EMC8: variants seen among roughly 807,000 people sequenced by gnomAD.
The protein encoded by EMC8 is ER membrane protein complex subunit 8, also known as COX4 neighbor.
EMC8 carries 11 observed loss-of-function variants against 24.3 expected under a neutral mutation model. The observed-to-expected ratio is 0.45, with a 90% CI of 0.28 to 0.75. The LOEUF (loss-of-function observed/expected upper bound fraction) is 0.75. Ranked by LOEUF, EMC8 falls within the 30% of genes least tolerant of loss-of-function variation. The probability of loss-of-function intolerance (pLI) is 0.12; values close to 1 mark genes in which losing one functional copy is unlikely to be tolerated. For synonymous variants in EMC8, 145 were observed against 117.7 expected (o/e 1.23, Z -1.50); for missense variants, 277 against 282.7 (o/e 0.98, Z 0.14).
intron 1 of EMC8, among the ~76,000 whole-genome samples, chr16:85,795,570 CT>C (rs917814136): frequency 1.4e-4 from 22 of 152,162 alleles, no homozygotes; most frequent in African/African-American, 4.6e-4. Flanking sequence ...AGGGTCCCCC[CT>C]AGACCTCGGG....
At chr16:85,790,684 TC>T (rs764385028) in intron 1 of EMC8, among the ~76,000 whole-genome samples, 19 of 152,120 alleles carry the variant, frequency 1.2e-4, no homozygotes, top group Admixed American at 2.0e-4. Flanking sequence ...GAGTGTGTCC[TC>T]CCCTAAGGTG....
rs1220464974 is a variant in EMC8, at chr16:85,780,101, C to T, written c.474-234G>A. On this transcript the variant is annotated intron_variant, in intron 4 of 4. Coordinates refer to ENST00000253457, the MANE Select transcript of EMC8 (RefSeq NM_006067.5). The stretch of plus-strand genomic sequence containing the variant: ...TTCTGAGAAAGTTGGAGGCAGATGA[C>T]TGAAGCTTTCTGAGTGGCCACAGAT... 17 of 600,464 alleles carry T rather than the reference C, an allele frequency of 2.8e-5. 1 individual carries two copies. Among genetic ancestry groups the T allele is most frequent in the Middle Eastern group, 4.4e-4 (1 of 2,262 alleles). 37.2% of individuals were successfully genotyped at this position (600,464 alleles called of 1,614,324 possible).
chr16:85,794,301 CCT>C (rs1253082383), intron 1 of EMC8, among the ~76,000 whole-genome samples: 5 of 152,226 alleles, frequency 3.3e-5, no homozygotes, highest in African/African-American at 9.6e-5. Context: ...CAAATTTTCC[CCT>C]GTAACTTTCC....
intron 2 of EMC8, among the ~76,000 whole-genome samples, chr16:85,785,441 G>A (rs996653087): frequency 2.6e-5 from 4 of 152,206 alleles, no homozygotes; most frequent in Non-Finnish European, 5.9e-5. Context: ...GTGGTGGCAG[G>A]TGCCTGTAAT....
intron 1 of EMC8, among the ~76,000 whole-genome samples, chr16:85,791,056 G>A (rs1904987288): frequency 6.6e-6 from 1 of 151,914 alleles, no homozygotes; most frequent in African/African-American, 2.4e-5. Context: ...TTGGACTCCT[G>A]GGTTCAAGCA....
rs558614468 is a variant in EMC8, at chr16:85,794,832, A to G, written c.231+4233T>C. ...GGTGGGGGGAGGTGCTGGAGGCTGG[A>G]TGTCTACAGTGCAGACTGTAACTAG... On this transcript the variant is annotated intron_variant, in intron 1 of 4. Coordinates refer to ENST00000253457, the MANE Select transcript of EMC8 (RefSeq NM_006067.5). 1.5e-3 allele frequency among the ~76,000 whole-genome samples: 226 copies of G among 152,288 alleles called. 1 individual carries two copies. The highest frequency in any genetic ancestry group is 5.0e-3 in the African/African-American group (208 of 41,548).
intron 2 of EMC8, among the ~76,000 whole-genome samples, chr16:85,782,465 C>T (rs552934702): frequency 1.3e-5 from 2 of 152,312 alleles, no homozygotes; most frequent in East Asian, 3.9e-4. Flanking sequence ...GCCTTCTCCT[C>T]GGGGGCCTTA....
intron 1 of EMC8, among the ~76,000 whole-genome samples, chr16:85,795,499 T>C (rs1260274040): frequency 2.6e-5 from 4 of 152,022 alleles, no homozygotes; most frequent in Non-Finnish European, 5.9e-5. Context: ...TCTCCTGCCC[T>C]CCTTCCACTC....
chr16:85,792,594 G>C (rs1025979054), intron 1 of EMC8: 1 of 152,422 alleles, frequency 6.6e-6, no homozygotes, highest in Non-Finnish European at 1.5e-5. Flanking sequence ...CTAGGCATCA[G>C]GTGAGAGTGC....
In EMC8 at chr16:85,799,106, T is replaced by A. The variant is rs1249221108; in HGVS notation, c.190A>T (p.Thr64Ser). Residue 64 changes from threonine to serine, a missense_variant, in exon 1 of 5, where the codon ACC becomes TCC. Coordinates refer to ENST00000253457, the MANE Select transcript of EMC8 (RefSeq NM_006067.5). The surrounding 1 kb of genome is among the most constrained non-coding windows in gnomAD (Gnocchi z 4.2). ...FVDCIPLFHG[T>S]LALAPMLEVA... ...TCCAGCATGGGGGCGAGGGCCAGGG[T>A]GCCGTGGAAGAGGGGGATGCAGTCC... is the stretch of plus-strand genomic sequence containing the variant. 1 of 1,577,530 alleles carries A rather than the reference T, an allele frequency of 6.3e-7. No individual in the cohort carries two copies. Among genetic ancestry groups the A allele is most frequent in the Middle Eastern group, 1.7e-4 (1 of 6,012 alleles).
At chr16:85,779,933 G>T in intron 4 of EMC8, 66 bp from the exon 5 acceptor site, 4 of 1,395,882 alleles carry the variant, frequency 2.9e-6, no homozygotes, top group Middle Eastern at 2.3e-4. Context: ...ACAGCATCAA[G>T]AGAGAAGGCC....
At position 85,799,036 on chromosome 16, in the gene EMC8, C is replaced by T; in HGVS notation, c.231+29G>A. 6.9e-7 allele frequency: 1 copy of T among 1,453,684 alleles called. No homozygotes were observed. Among genetic ancestry groups the T allele is most frequent in the South Asian group, 1.2e-5 (1 of 80,130 alleles). 90.0% of individuals were successfully genotyped at this position (1,453,684 alleles called of 1,614,324 possible). ...GACTGAGGGGAGGCCAGGCTGCCTG[C>T]AAGGGGAAGGGGCCCTTTCCGCGCT... On this transcript the variant is annotated intron_variant, in intron 1 of 4. Coordinates refer to ENST00000253457, the MANE Select transcript of EMC8 (RefSeq NM_006067.5). This position sits in a 1 kb window ranked among gnomAD's most constrained non-coding sequence, Gnocchi z 4.2.
chr16:85,799,288 C>G lies in EMC8; in HGVS notation c.8G>C (p.Gly3Ala). MP[G>A]VKLTTQAYCK... Reference sequence around the variant, plus strand: ...GTAGGCCTGGGTGGTCAGTTTCACCCCGGGCATGCTGACCCGGGAGGGCCC... The same window carrying G: ...GTAGGCCTGGGTGGTCAGTTTCACCGCGGGCATGCTGACCCGGGAGGGCCC... Residue 3 changes from glycine to alanine, a missense_variant, in exon 1 of 5, where the codon GGG (glycine) becomes GCG (alanine). Coordinates refer to ENST00000253457, the MANE Select transcript of EMC8 (RefSeq NM_006067.5). The surrounding 1 kb of genome is among the most constrained non-coding windows in gnomAD (Gnocchi z 4.2). The G allele has an allele frequency of 6.2e-7, 1 of 1,602,434 alleles. No homozygotes were observed. Among genetic ancestry groups the G allele is most frequent in the Admixed American group, 1.7e-5 (1 of 59,628 alleles).
At position 85,779,264 on chromosome 16, in the gene EMC8, CCTGGACGA is replaced by C. The variant is rs1378311835; in HGVS notation, c.*436_*443del. 2 of 165,424 alleles carry C rather than the reference CCTGGACGA, an allele frequency of 1.2e-5. No homozygotes were observed. The highest frequency in any genetic ancestry group is 4.8e-5 in the African/African-American group (2 of 41,442). The allele number at this position is 165,424 out of a possible 1,614,324, so 10.2% of individuals were successfully genotyped here. A position where few individuals can be genotyped will look rare whatever the true frequency, so the allele number is the denominator to read the frequency against. ...ACGTGTCTACCCTGATCCCAGGACG[CCTGGACGA>C]CATCAAAATTCAAACAGGATAAAAA... On this transcript the variant is annotated 3_prime_UTR_variant, in exon 5 of 5. Transcript: ENST00000253457.
At chr16:85,780,187 G>C (rs193201042) in intron 4 of EMC8, 192 bp downstream of exon 4, 1 of 612,620 alleles carries the variant, frequency 1.6e-6, no homozygotes. Flanking sequence ...GGGAAGACCT[G>C]TGGGTACCAC....
chr16:85,789,182 C>G (rs928421515), intron 1 of EMC8, 132 bp from the exon 2 acceptor site: 9 of 689,236 alleles, frequency 1.3e-5, no homozygotes, highest in African/African-American at 1.2e-4. Context: ...CCCTACACCC[C>G]AGAAGAAAGG....
intron 1 of EMC8, among the ~76,000 whole-genome samples, chr16:85,793,639 C>A (rs1228007254): frequency 6.6e-6 from 1 of 152,184 alleles, no homozygotes; most frequent in African/African-American, 2.4e-5. Context: ...AGAGGACAGG[C>A]CCACATGGAG....
chr16:85,799,000 T>A, intron 1 of EMC8, 65 bp downstream of exon 1: 2 of 1,184,618 alleles, frequency 1.7e-6, no homozygotes, highest in Non-Finnish European at 2.4e-6. Flanking sequence ...TGGGCCAGCT[T>A]CCTCTCTGCT....
At chr16:85,793,667 A>C (rs777923082) in intron 1 of EMC8, among the ~76,000 whole-genome samples, 1 of 152,212 alleles carries the variant, frequency 6.6e-6, no homozygotes, top group Non-Finnish European at 1.5e-5. Flanking sequence ...CAAGAATTCT[A>C]GCCTGAAATC....
Sources: gnomAD v4.1 joint callset for allele counts (sites outside exome capture counted in the v4.1 genomes callset) on GRCh38, gnomAD v4.1.1 for gene constraint, Gnocchi (gnomAD v3.1) non-coding constraint, MANE v1.5 for transcripts, NCBI Gene and HGNC (gene_info 2026-07-23, HGNC 2026-07-21) for gene names.